The following NF2 variants were observed in gnomAD, a reference collection of about 807,000 sequenced individuals.
NF2 encodes the protein merlin.
NF2 carries 8 observed loss-of-function variants against 83.7 expected under a neutral mutation model. The observed-to-expected ratio is 0.10, with a 90% CI of 0.06 to 0.17. The LOEUF (loss-of-function observed/expected upper bound fraction) is 0.17, where lower values mean the gene tolerates loss of function less well. NF2 is among the 10% of genes least tolerant of loss of function. The pLI is 1.00. For synonymous variants in NF2, 266 were observed against 269.6 expected, an observed-to-expected ratio of 0.99 and a Z score of 0.13; for missense variants, 533 against 744.4, an observed-to-expected ratio of 0.72 and a Z score of 3.31.
intron 1 of NF2, 140 bp downstream of exon 1, chr22:29,604,252 A>C: frequency 1.4e-6 from 1 of 705,310 alleles, no homozygotes; most frequent in South Asian, 1.6e-5. Flanking sequence ...CATGTTAAAG[A>C]TGATTGCTGC....
At chr22:29,607,530 T>C (rs1460713624) in intron 1 of NF2, among the ~76,000 whole-genome samples, 1 of 152,152 alleles carries the variant, frequency 6.6e-6, no homozygotes, top group Admixed American at 6.6e-5. Flanking sequence ...AAATAACAAT[T>C]GGCCCTGGAG....
At chr22:29,663,852 C>G (rs555874923) in intron 8 of NF2, among the ~76,000 whole-genome samples, 2 of 152,140 alleles carry the variant, frequency 1.3e-5, no homozygotes, top group African/African-American at 4.8e-5. Context: ...TTGGTCTTAT[C>G]GGGAGTGGTT....
rs1339795250 is a variant in NF2 at position 29,661,216 on chromosome 22, C to A, written c.687C>A (p.Gly229=). The A allele has an allele frequency of 6.2e-7, 1 of 1,614,122 alleles. No homozygotes were observed. The highest frequency in any genetic ancestry group is 8.5e-7 in the Non-Finnish European group (1 of 1,180,054). ...VNYFAIRNKK[G]TELLLGVDAL... ...TATTGGATCCACAGAATAAAAAGGG[C>A]ACAGAGCTGCTGCTTGGAGTGGATG... Residue 229 remains glycine (G), a synonymous_variant, in exon 8 of 16, where the codon GGC becomes GGA. Coordinates refer to ENST00000338641, the MANE Select transcript of NF2 (RefSeq NM_000268.4).
At chr22:29,684,370 TTA>T (rs199997778) in intron 15 of NF2, among the ~76,000 whole-genome samples, 8,290 of 152,220 alleles carry the variant, frequency 0.054, 298 homozygotes, top group Non-Finnish European at 0.078. Context: ...CCACCTTGGT[TTA>T]CTGAACTTTT....
chr22:29,693,153 C>T (rs1243890320), intron 15 of NF2, among the ~76,000 whole-genome samples: 1 of 152,222 alleles, frequency 6.6e-6, no homozygotes, highest in African/African-American at 2.4e-5. Context: ...AGTGACCATT[C>T]TGGTTCCCAT....
intron 1 of NF2, among the ~76,000 whole-genome samples, chr22:29,628,743 G>A (rs1242004821): frequency 6.7e-6 from 1 of 149,030 alleles, no homozygotes; most frequent in Admixed American, 6.9e-5. Flanking sequence ...CGATTCTCCT[G>A]CCTCAGCTTC....
At chr22:29,647,968 C>A (rs909263242) in intron 4 of NF2, among the ~76,000 whole-genome samples, 1 of 151,558 alleles carries the variant, frequency 6.6e-6, no homozygotes, top group Non-Finnish European at 1.5e-5. Flanking sequence ...TAAATAAATA[C>A]ATACATACAA....
chr22:29,686,304 C>A (rs2067269804), intron 15 of NF2, among the ~76,000 whole-genome samples: 1 of 152,240 alleles, frequency 6.6e-6, no homozygotes, highest in Non-Finnish European at 1.5e-5. Flanking sequence ...CATATTCATT[C>A]ATTGTATTAA....
At chr22:29,653,697 T>C (rs1045624757) in intron 4 of NF2, among the ~76,000 whole-genome samples, 3 of 152,220 alleles carry the variant, frequency 2.0e-5, no homozygotes, top group Non-Finnish European at 2.9e-5. Context: ...CTTGAGGCTC[T>C]TTGAGAATGA....
At chr22:29,644,669 G>A (rs1466949760) in intron 4 of NF2, among the ~76,000 whole-genome samples, 1 of 152,188 alleles carries the variant, frequency 6.6e-6, no homozygotes, top group Non-Finnish European at 1.5e-5. Context: ...CTGCAATCCC[G>A]GCACCTCGGG....
chr22:29,653,765 G>A (rs2066221409), intron 4 of NF2, among the ~76,000 whole-genome samples: 1 of 152,152 alleles, frequency 6.6e-6, no homozygotes, highest in African/African-American at 2.4e-5. Flanking sequence ...CCTTGTGCCT[G>A]ACCTTTGTTT....
At chr22:29,614,506 C>A (rs2065033495) in intron 1 of NF2, among the ~76,000 whole-genome samples, 1 of 151,338 alleles carries the variant, frequency 6.6e-6, no homozygotes, top group African/African-American at 2.4e-5. Context: ...GGCGTGAATC[C>A]AGGAGGTGGA....
At chr22:29,672,086 C>T (rs560736399) in intron 11 of NF2, 138 bp downstream of exon 11, 6 of 1,297,648 alleles carry the variant, frequency 4.6e-6, no homozygotes, top group Non-Finnish European at 6.5e-6. Context: ...AAATCAGTGC[C>T]TTTTCTTTTC....
At chr22:29,640,589 T>C (rs1601586440) in intron 3 of NF2, among the ~76,000 whole-genome samples, 1 of 151,996 alleles carries the variant, frequency 6.6e-6, no homozygotes, top group Non-Finnish European at 1.5e-5. Context: ...TGCTCAAAGG[T>C]TTCAGTAATG....
intron 10 of NF2, among the ~76,000 whole-genome samples, chr22:29,671,148 A>C (rs1218753871): frequency 6.6e-6 from 1 of 152,186 alleles, no homozygotes; most frequent in African/African-American, 2.4e-5. Flanking sequence ...CCTGCATTGC[A>C]TCCCATCGGC....
chr22:29,697,100 A>G lies in NF2; in HGVS notation c.*2298A>G. 5.0e-6 allele frequency: 1 copy of G among 198,888 alleles called. No individual in the cohort carries two copies. Among genetic ancestry groups the G allele is most frequent in the Non-Finnish European group, 1.0e-5 (1 of 96,094 alleles). 12.3% of individuals were successfully genotyped at this position (198,888 alleles called of 1,614,324 possible). A position where few individuals can be genotyped will look rare whatever the true frequency, so the allele number is the denominator to read the frequency against. On this transcript the variant is annotated 3_prime_UTR_variant, in exon 16 of 16. Transcript: ENST00000338641. Reference sequence around the variant, plus strand: ...CCAAAGTTCTGGGATTATAGGCGTGAGCCACCATGCCCGGTCTCTTCTCAG... The same window carrying G: ...CCAAAGTTCTGGGATTATAGGCGTGGGCCACCATGCCCGGTCTCTTCTCAG...
intron 1 of NF2, among the ~76,000 whole-genome samples, chr22:29,607,871 G>A (rs2064839211): frequency 6.6e-6 from 1 of 151,992 alleles, no homozygotes; most frequent in Non-Finnish European, 1.5e-5. Flanking sequence ...TGAAAATTCT[G>A]GAGTTGAAAG....
chr22:29,658,612 A>ACCCCACCCCCAT (rs1569296159), intron 7 of NF2, among the ~76,000 whole-genome samples: 1 of 128,182 alleles, frequency 7.8e-6, no homozygotes, highest in Non-Finnish European at 1.7e-5. Context: ...CCCAACACAC[A>ACCCCACCCCCAT]CCCCACCCCC....
intron 11 of NF2, 89 bp downstream of exon 11, chr22:29,672,037 G>A (rs757604616): frequency 2.0e-5 from 32 of 1,583,738 alleles, no homozygotes; most frequent in Non-Finnish European, 2.6e-5. Context: ...CCATGAGTTA[G>A]CAGCGTTTGC....
Sources: gnomAD v4.1 joint callset for allele counts (sites outside exome capture counted in the v4.1 genomes callset) on GRCh38, gnomAD v4.1.1 for gene constraint, MANE v1.5 for transcripts, NCBI Gene and HGNC (gene_info 2026-07-23, HGNC 2026-07-21) for gene names.